Variants in GPR149 observed in about 807,000 individuals in gnomAD.
GPR149 encodes the protein probable G protein-coupled receptor 149.
GPR149 carries 50 observed loss-of-function variants against 50.2 expected under a neutral mutation model. The ratio of observed to expected loss-of-function variants is 1.00; its 90% CI spans 0.79 to 1.26. The LOEUF (loss-of-function observed/expected upper bound fraction) is 1.26, where lower values mean the gene tolerates loss of function less well. Ranked by LOEUF, GPR149 falls within the 50% of genes most tolerant of loss-of-function variation. The probability of loss-of-function intolerance (pLI) is 0.00; values close to 1 mark genes in which losing one functional copy is unlikely to be tolerated. For missense variants in GPR149, 983 were observed against 895.4 expected, an observed-to-expected ratio of 1.10 and a Z score of -1.25; for synonymous variants, 405 against 358.2, an observed-to-expected ratio of 1.13 and a Z score of -1.48.
chr3:154,380,168 GA>G (rs1714885882), intron 3 of GPR149, among the ~76,000 whole-genome samples: 1 of 2,748 alleles, frequency 3.6e-4, no homozygotes, highest in East Asian at 7.4e-3. Context: ...GAGAGAGACA[GA>G]GAGAGAGAGA....
Position 154,428,848 on chromosome 3 carries a change from A to G in GPR149, c.768T>C (p.Ala256=). The change falls in exon 1 of 4, where the codon GCT becomes GCC. Residue 256 remains alanine, a synonymous_variant. Transcript: ENST00000389740. ...GRVVSLSPED[A]PGPSLRRSGG... is the part of the protein sequence containing the mutation. The stretch of plus-strand genomic sequence containing the variant: ...CAGAGCGCCGCAGACTCGGGCCTGG[A>G]GCATCCTCTGGGGACAGGGAAACCA... 2 of 1,613,830 alleles carry G rather than the reference A, an allele frequency of 1.2e-6. No homozygotes were observed. Among genetic ancestry groups the G allele is most frequent in the South Asian group, 2.2e-5 (2 of 91,076 alleles).
rs2108432806 is a variant in GPR149, at chr3:154,427,564, T to C, written c.1126A>G (p.Ile376Val). The C allele has an allele frequency of 1.9e-6, 3 of 1,614,066 alleles. No homozygotes were observed. The highest frequency in any genetic ancestry group is 2.5e-6 in the Non-Finnish European group (3 of 1,179,986). The change falls in exon 2 of 4, where the codon ATC (isoleucine) becomes GTC (valine). Residue 376 changes from isoleucine to valine, a missense_variant. Physicochemically the swap from Ile to Val is conservative, Grantham distance 29. Transcript: ENST00000389740. ...GCATATGCGTTCTGCCTGCAGTTGATGATGCAGCCACAGGGCAAGTGGGTC... is the reference window on the plus strand; with the variant it reads ...GCATATGCGTTCTGCCTGCAGTTGACGATGCAGCCACAGGGCAAGTGGGTC... Reference protein sequence around the residue: ...RWTHLPCGCIINCRQNAYAVA... With the variant: ...RWTHLPCGCIVNCRQNAYAVA...
intron 3 of GPR149, chr3:154,352,872 T>C (rs781541628): frequency 1.1e-5 from 10 of 932,220 alleles, no homozygotes; most frequent in African/African-American, 1.6e-5. Context: ...GATAAAAACA[T>C]ATACAAATCC....
At position 154,414,083 on chromosome 3, in the gene GPR149, T is replaced by C. The variant is rs528489033; in HGVS notation, c.1623+6956A>G. Reference sequence around the variant, plus strand: ...GAATGAAAAATCAAACATCATACGTTCTCATTCATATGTGTGAGTTAAGCC... The same window carrying C: ...GAATGAAAAATCAAACATCATACGTCCTCATTCATATGTGTGAGTTAAGCC... On this transcript the variant is annotated intron_variant, in intron 3 of 3. Coordinates refer to ENST00000389740, the MANE Select transcript of GPR149 (RefSeq NM_001038705.3). 1.8e-3 allele frequency among the ~76,000 whole-genome samples: 267 copies of C among 152,016 alleles called. 4 individuals carry two copies. The Middle Eastern group carries it at 0.031, about 17-fold the overall frequency.
At chr3:154,405,212 A>C (rs1299469816) in intron 3 of GPR149, among the ~76,000 whole-genome samples, 7 of 152,196 alleles carry the variant, frequency 4.6e-5, no homozygotes, top group Non-Finnish European at 8.8e-5. Context: ...TACGGGCATA[A>C]ATCAATACCT....
At chr3:154,350,858 T>C (rs1266580884) in intron 3 of GPR149, among the ~76,000 whole-genome samples, 1 of 152,164 alleles carries the variant, frequency 6.6e-6, no homozygotes, top group Non-Finnish European at 1.5e-5. Context: ...TATGTGTATA[T>C]AATCTGTGCA....
At chr3:154,415,859 A>G (rs908396246) in intron 3 of GPR149, among the ~76,000 whole-genome samples, 4 of 151,944 alleles carry the variant, frequency 2.6e-5, no homozygotes, top group African/African-American at 7.2e-5. Context: ...CTGAACAGCT[A>G]GTAATAAACT....
chr3:154,422,363 A>G (rs1305830854), intron 2 of GPR149, among the ~76,000 whole-genome samples: 2 of 151,790 alleles, frequency 1.3e-5, no homozygotes, highest in Non-Finnish European at 1.5e-5. Context: ...AGTTTTATAT[A>G]TTAAGAATGA....
In GPR149 at chr3:154,429,227, T is replaced by C; in HGVS notation, c.389A>G (p.Asn130Ser). Residue 130 changes from asparagine to serine, a missense_variant, in exon 1 of 4, where the codon AAC becomes AGC. Physicochemically the swap from Asn to Ser is conservative, Grantham distance 46 (BLOSUM62 1). Coordinates refer to ENST00000389740, the MANE Select transcript of GPR149 (RefSeq NM_001038705.3). ...NLKATLLVSY[N>S]FYTMHRGVGS... ...CACACCTCTGTGCATCGTATAAAAG[T>C]TGTAAGAGACTAGGAGAGTCGCCTT... 1.2e-6 allele frequency: 2 copies of C among 1,614,112 alleles called. No individual in the cohort carries two copies. The highest frequency in any genetic ancestry group is 1.7e-6 in the Non-Finnish European group (2 of 1,180,010).
chr3:154,368,443 A>G (rs2108399368), intron 3 of GPR149, among the ~76,000 whole-genome samples: 1 of 152,338 alleles, frequency 6.6e-6, no homozygotes, highest in African/African-American at 2.4e-5. Context: ...CCCCTACATC[A>G]GGACAATTTA....
At chr3:154,423,172 A>T (rs1712194257) in intron 2 of GPR149, among the ~76,000 whole-genome samples, 1 of 151,932 alleles carries the variant, frequency 6.6e-6, no homozygotes, top group Non-Finnish European at 1.5e-5. Context: ...ATGAAAAGAA[A>T]GGAGAATTAT....
chr3:154,376,937 TAAATA>T (rs893007294), intron 3 of GPR149, among the ~76,000 whole-genome samples: 2 of 151,310 alleles, frequency 1.3e-5, no homozygotes, highest in African/African-American at 4.9e-5. Context: ...TTTTGAGAAT[TAAATA>T]AAATAAGGTG....
intron 3 of GPR149, among the ~76,000 whole-genome samples, chr3:154,349,878 A>G (rs1401522387): frequency 2.0e-5 from 3 of 152,194 alleles, no homozygotes; most frequent in Non-Finnish European, 4.4e-5. Flanking sequence ...TATAAAAAGA[A>G]TTATGTACAA....
chr3:154,355,027 A>T (rs1013256479), intron 3 of GPR149, among the ~76,000 whole-genome samples: 35 of 151,970 alleles, frequency 2.3e-4, no homozygotes, highest in African/African-American at 8.2e-4. Context: ...TTAAGTTACT[A>T]TATTTATTTA....
At chr3:154,353,598 G>A in intron 3 of GPR149, 1 of 1,197,082 alleles carries the variant, frequency 8.4e-7, no homozygotes, top group Non-Finnish European at 1.2e-6. Context: ...ATATGGTATT[G>A]CACCATAAAA....
At chr3:154,350,618 G>A (rs995958719) in intron 3 of GPR149, among the ~76,000 whole-genome samples, 1 of 152,078 alleles carries the variant, frequency 6.6e-6, no homozygotes, top group Non-Finnish European at 1.5e-5. Flanking sequence ...TGTAGAAATT[G>A]ATCTATACAT....
chr3:154,406,731 T>G (rs986864656), intron 3 of GPR149, among the ~76,000 whole-genome samples: 2 of 152,120 alleles, frequency 1.3e-5, no homozygotes, highest in African/African-American at 4.8e-5. Flanking sequence ...CGTTAAACCA[T>G]AAACTATATG....
intron 3 of GPR149, among the ~76,000 whole-genome samples, chr3:154,381,528 T>C (rs1265133118): frequency 3.3e-5 from 5 of 152,346 alleles, no homozygotes; most frequent in Admixed American, 6.5e-5. Context: ...TACAGCTCTG[T>C]TAGTCGTCAA....
At chr3:154,370,881 C>T (rs1359502310) in intron 3 of GPR149, among the ~76,000 whole-genome samples, 1 of 152,092 alleles carries the variant, frequency 6.6e-6, no homozygotes, top group Non-Finnish European at 1.5e-5. Context: ...TTGTTATGCC[C>T]AAAAGTCCCA....
Sources: allele counts gnomAD v4.1 joint callset (sites outside exome capture counted in the v4.1 genomes callset), GRCh38; gene constraint gnomAD v4.1.1; transcripts MANE v1.5; gene names NCBI Gene and HGNC (gene_info 2026-07-23, HGNC 2026-07-21).